The following C1QTNF3 variants were observed in gnomAD, a reference collection of about 807,000 sequenced individuals.
C1QTNF3 encodes the protein C1q and TNF related 3, also known as complement C1q tumor necrosis factor-related protein 3.
C1QTNF3 carries 26 observed loss-of-function variants against 32.6 expected under a neutral mutation model. The ratio of observed to expected loss-of-function variants is 0.80; its 90% CI spans 0.58 to 1.11. C1QTNF3 has a LOEUF of 1.11. Among genes scored for constraint, C1QTNF3 ranks in the 50% least tolerant of loss-of-function variants. C1QTNF3 has a pLI of 0.00. For synonymous variants in C1QTNF3, 155 were observed against 146.0 expected, an observed-to-expected ratio of 1.06 and a Z score of -0.44; for missense variants, 362 against 398.2, an observed-to-expected ratio of 0.91 and a Z score of 0.77.
At chr5:34,165,776 T>C in the C1QTNF3 span, 1 of 151,520 alleles carries the variant, frequency 6.6e-6, no homozygotes, top group Non-Finnish European at 1.5e-5. Context: ...TGTATGAATG[T>C]ATTCAAAATT....
chr5:34,028,778 C>A lies in C1QTNF3; in HGVS notation c.676G>T (p.Gly226Cys), dbSNP rs1378138690. Residue 226 changes from glycine to cysteine, a missense_variant, in exon 4 of 6, where the codon GGT becomes TGT. By Grantham distance (159) the Gly-to-Cys change is radical (BLOSUM62 -3). Coordinates refer to ENST00000382065, the MANE Select transcript of C1QTNF3 (RefSeq NM_181435.6). ...CCTGATACTGGGGCCCCAAATCTAC[C>A]AGTCATGACATCAAAGAAGTTTCCA... ...NIGNFFDVMT[G>C]RFGAPVSGVY... The A allele has an allele frequency of 6.2e-7, 1 of 1,608,418 alleles. No homozygotes were observed. The highest frequency in any genetic ancestry group is 8.5e-7 in the Non-Finnish European group (1 of 1,176,978).
chr5:34,137,681 A>T, the C1QTNF3 span, among the ~76,000 whole-genome samples: 1 of 152,246 alleles, frequency 6.6e-6, no homozygotes, highest in African/African-American at 2.4e-5. Flanking sequence ...CAGTGACTTT[A>T]TGACTTTTGT....
chr5:34,113,855 G>A, the C1QTNF3 span, among the ~76,000 whole-genome samples: 4 of 152,226 alleles, frequency 2.6e-5, no homozygotes, highest in Non-Finnish European at 5.9e-5. Context: ...AGATTTGAAA[G>A]AGCATGCGAA....
rs116660908 is a variant in C1QTNF3 at position 34,032,426 on chromosome 5, A to T, written c.570+878T>A. 1.6e-3 allele frequency among the ~76,000 whole-genome samples: 238 copies of T among 152,376 alleles called. 4 individuals carry two copies. The South Asian group carries it at 0.026, about 16-fold the overall frequency. ...TGAAATGAATGTAATCTGGTCTGGA[A>T]CACTGAGTGGATGGCTCAAAACTGA... On this transcript the variant is annotated intron_variant, in intron 3 of 5. Transcript: ENST00000382065.
At chr5:34,077,772 G>C in the C1QTNF3 span, among the ~76,000 whole-genome samples, 1 of 151,504 alleles carries the variant, frequency 6.6e-6, no homozygotes, top group African/African-American at 2.4e-5. Flanking sequence ...CCCTGACAGT[G>C]TAACTTTTAG....
At chr5:34,082,356 C>T in the C1QTNF3 span, among the ~76,000 whole-genome samples, 3 of 151,256 alleles carry the variant, frequency 2.0e-5, no homozygotes, top group Non-Finnish European at 4.4e-5. Flanking sequence ...AATATATCAC[C>T]ATTTAAATAA....
At chr5:34,221,246 T>A in the C1QTNF3 span, among the ~76,000 whole-genome samples, 2 of 152,150 alleles carry the variant, frequency 1.3e-5, no homozygotes, top group Non-Finnish European at 2.9e-5. Context: ...TATTTATCTA[T>A]ACATAAATCA....
At chr5:34,071,949 G>A in the C1QTNF3 span, among the ~76,000 whole-genome samples, 1 of 151,878 alleles carries the variant, frequency 6.6e-6, no homozygotes, top group Non-Finnish European at 1.5e-5. Context: ...TTACTTTGTA[G>A]ATTCTCTACT....
chr5:34,207,265 TC>T, the C1QTNF3 span, among the ~76,000 whole-genome samples: 1 of 132,092 alleles, frequency 7.6e-6, no homozygotes, highest in Non-Finnish European at 1.5e-5. Context: ...TGTGATGTGG[TC>T]AAATTTGAGA....
the C1QTNF3 span, among the ~76,000 whole-genome samples, chr5:34,174,843 C>A: frequency 1.3e-5 from 2 of 151,940 alleles, no homozygotes; most frequent in African/African-American, 2.4e-5. Flanking sequence ...GGGTTCATGC[C>A]ATTTCCTGCC....
the C1QTNF3 span, among the ~76,000 whole-genome samples, chr5:34,228,738 A>T: frequency 6.6e-6 from 1 of 152,054 alleles, no homozygotes; most frequent in South Asian, 2.1e-4. Flanking sequence ...TTTAATCTGC[A>T]TATCTTGAGT....
chr5:34,060,018 T>C, the C1QTNF3 span, among the ~76,000 whole-genome samples: 1 of 152,208 alleles, frequency 6.6e-6, no homozygotes, highest in African/African-American at 2.4e-5. Flanking sequence ...CAGGACCTGA[T>C]TGCAGATTTA....
At chr5:34,128,184 G>A in the C1QTNF3 span, among the ~76,000 whole-genome samples, 2 of 152,212 alleles carry the variant, frequency 1.3e-5, no homozygotes, top group Non-Finnish European at 2.9e-5. Context: ...CCAAGCCTTG[G>A]CAACTTCCAC....
chr5:34,200,542 CA>C, the C1QTNF3 span: 1 of 152,048 alleles, frequency 6.6e-6, no homozygotes, highest in Non-Finnish European at 1.5e-5. Context: ...CACCCCCCAG[CA>C]ATTCCACCGA....
At chr5:34,165,856 T>C in the C1QTNF3 span, 2 of 147,628 alleles carry the variant, frequency 1.4e-5, no homozygotes, top group South Asian at 4.4e-4. Flanking sequence ...TTAAAACAGA[T>C]CCTCTAGCCA....
the C1QTNF3 span, among the ~76,000 whole-genome samples, chr5:34,238,644 G>A: frequency 6.6e-6 from 1 of 151,808 alleles, no homozygotes; most frequent in African/African-American, 2.4e-5. Context: ...ATTATATAAA[G>A]AGACCAAATC....
Position 34,033,331 on chromosome 5 carries a change from G to A in C1QTNF3, c.543C>T (p.Gly181=), listed in dbSNP as rs1754662814. The change falls in exon 3 of 6, where the codon GGC becomes GGT. Residue 181 remains glycine, a synonymous_variant. Transcript: ENST00000382065. The part of the protein sequence containing the change: ...RGQHGPKGEK[G]YPGIPPELQI... Reference sequence around the variant, plus strand: ...GAAGTTCTGGTGGAATCCCCGGGTAGCCCTTCTCTCCTTTGGGGCCATGCT... The same window carrying A: ...GAAGTTCTGGTGGAATCCCCGGGTAACCCTTCTCTCCTTTGGGGCCATGCT... 2 of 1,613,646 alleles carry A rather than the reference G, an allele frequency of 1.2e-6. No individual in the cohort carries two copies. The highest frequency in any genetic ancestry group is 3.3e-5 in the Admixed American group (2 of 59,934).
chr5:34,088,822 A>C, the C1QTNF3 span, among the ~76,000 whole-genome samples: 1 of 152,086 alleles, frequency 6.6e-6, no homozygotes, highest in Non-Finnish European at 1.5e-5. Flanking sequence ...CCTATAACTG[A>C]GTCTTTACCT....
chr5:34,144,442 C>A, the C1QTNF3 span, among the ~76,000 whole-genome samples: 1 of 152,176 alleles, frequency 6.6e-6, no homozygotes, highest in African/African-American at 2.4e-5. Flanking sequence ...TAATAGACAT[C>A]CAAAGAACAC....
Sources: allele counts gnomAD v4.1 joint callset (sites outside exome capture counted in the v4.1 genomes callset), GRCh38; gene constraint gnomAD v4.1.1; transcripts MANE v1.5; gene names NCBI Gene and HGNC (gene_info 2026-07-23, HGNC 2026-07-21).